Variants in NME5 observed in about 807,000 individuals in gnomAD.
The protein encoded by NME5 is nucleoside diphosphate kinase 5.
NME5 carries 18 observed loss-of-function variants against 21.6 expected under a neutral mutation model. The observed-to-expected ratio is 0.83, with a 90% CI of 0.58 to 1.24. The LOEUF (loss-of-function observed/expected upper bound fraction) is 1.24, where lower values mean the gene tolerates loss of function less well. NME5 is among the 50% of genes most tolerant of loss of function. The pLI is 0.00. For missense variants in NME5, 223 were observed against 255.4 expected (o/e 0.87, Z 0.86); for synonymous variants, 70 against 80.6 (o/e 0.87, Z 0.71).
intron 4 of NME5, 94 bp from the exon 5 acceptor site, chr5:138,119,030 T>G: frequency 1.4e-6 from 1 of 718,334 alleles, no homozygotes; most frequent in East Asian, 3.0e-5. Flanking sequence ...TTTTCTCTAT[T>G]TTTTTATATG....
At chr5:138,117,780 C>T (rs377346425) in intron 5 of NME5, among the ~76,000 whole-genome samples, 15 of 152,108 alleles carry the variant, frequency 9.9e-5, no homozygotes, top group African/African-American at 3.6e-4. Flanking sequence ...GTCAGGAGTT[C>T]GAGACCAGCC....
At chr5:138,137,333 T>TA (rs1751721501) in intron 2 of NME5, among the ~76,000 whole-genome samples, 3 of 151,698 alleles carry the variant, frequency 2.0e-5, no homozygotes, top group East Asian at 2.0e-4. Flanking sequence ...TTTATTTATT[T>TA]TTTGAGACAG....
At chr5:138,136,791 C>T (rs1481645327) in intron 2 of NME5, among the ~76,000 whole-genome samples, 1 of 151,934 alleles carries the variant, frequency 6.6e-6, no homozygotes, top group Non-Finnish European at 1.5e-5. Context: ...TACAGGCATG[C>T]GCCCCCACGC....
chr5:138,129,869 T>C (rs955916175), intron 2 of NME5, among the ~76,000 whole-genome samples: 5 of 151,922 alleles, frequency 3.3e-5, no homozygotes, highest in African/African-American at 4.8e-5. Context: ...AGGCAGAAGA[T>C]TTGCTTGAAC....
Position 138,115,618 on chromosome 5 carries a change from C to G in NME5, c.*63G>C, listed in dbSNP as rs571746068. 12 of 978,364 alleles carry G rather than the reference C, an allele frequency of 1.2e-5. No homozygotes were observed. The highest frequency in any genetic ancestry group is 1.8e-5 in the Non-Finnish European group (12 of 671,310). 60.6% of individuals were successfully genotyped at this position (978,364 alleles called of 1,614,324 possible). The stretch of plus-strand genomic sequence containing the variant: ...AAACCCTAGAAATAATTTTTTCAAA[C>G]AGTAGAAGTACAGCCTTTTATAATA... On this transcript the variant is annotated 3_prime_UTR_variant, in exon 6 of 6. Coordinates refer to ENST00000265191, the MANE Select transcript of NME5 (RefSeq NM_003551.3).
At chr5:138,119,661 A>ATT (rs35881974) in intron 4 of NME5, among the ~76,000 whole-genome samples, 1,504 of 140,814 alleles carry the variant, frequency 0.011, 16 homozygotes, top group South Asian at 0.026. Flanking sequence ...TCTTTTCTTT[A>ATT]TTTTTTTTTT....
intron 4 of NME5, among the ~76,000 whole-genome samples, chr5:138,125,236 C>CA (rs1751371454): frequency 6.6e-6 from 1 of 152,104 alleles, no homozygotes; most frequent in Non-Finnish European, 1.5e-5. Flanking sequence ...TATTTATTTT[C>CA]AAATATAATC....
At chr5:138,118,737 C>G in intron 5 of NME5, 81 bp downstream of exon 5, 1 of 906,368 alleles carries the variant, frequency 1.1e-6, no homozygotes, top group East Asian at 2.6e-5. Flanking sequence ...CCGCCTTGGC[C>G]TCCCAAAGTG....
intron 5 of NME5, among the ~76,000 whole-genome samples, chr5:138,118,055 A>G (rs1366078537): frequency 6.6e-6 from 1 of 152,166 alleles, no homozygotes; most frequent in African/African-American, 2.4e-5. Flanking sequence ...TACATATCTA[A>G]CATGTATATG....
chr5:138,116,853 C>G (rs766044135), intron 5 of NME5, among the ~76,000 whole-genome samples: 9 of 152,044 alleles, frequency 5.9e-5, no homozygotes, highest in Non-Finnish European at 1.2e-4. Flanking sequence ...GACCCCTATA[C>G]CACACCATAT....
intron 2 of NME5, 57 bp downstream of exon 2, chr5:138,138,595 A>ATT (rs879058228): frequency 5.7e-5 from 67 of 1,179,374 alleles, no homozygotes; most frequent in Admixed American, 7.4e-5. Context: ...TTACATAAGC[A>ATT]TTTTTTTTTT....
Position 138,138,714 on chromosome 5 carries a change from T to C in NME5, c.67A>G (p.Ile23Val). The C allele has an allele frequency of 2.5e-6, 4 of 1,612,932 alleles. No homozygotes were observed. Among genetic ancestry groups the C allele is most frequent in the Non-Finnish European group, 3.4e-6 (4 of 1,179,300 alleles). ...TGTATCTCCTCCTCTTTGTCAACAA[T>C]ATCTGGTTTGATAATGGCCAGAGTT... ...EKTLAIIKPD[I>V]VDKEEEIQDI... Residue 23 changes from isoleucine to valine, a missense_variant, in exon 2 of 6, where the codon ATT (isoleucine) becomes GTT (valine). By Grantham distance (29) the Ile-to-Val change is conservative. Coordinates refer to ENST00000265191, the MANE Select transcript of NME5 (RefSeq NM_003551.3).
At chr5:138,134,545 T>G (rs552327801) in intron 2 of NME5, among the ~76,000 whole-genome samples, 49 of 151,946 alleles carry the variant, frequency 3.2e-4, no homozygotes, top group Non-Finnish European at 5.7e-4. Flanking sequence ...CACCCAGCCC[T>G]AATTTTGGAT....
intron 4 of NME5, chr5:138,127,550 T>TA (rs1320016062): frequency 1.0e-6 from 1 of 983,092 alleles, no homozygotes; most frequent in Admixed American, 6.1e-5. Context: ...AATAACATAC[T>TA]AAAAAAATCC....
intron 2 of NME5, among the ~76,000 whole-genome samples, chr5:138,137,907 G>A (rs1217318421): frequency 6.6e-6 from 1 of 151,836 alleles, no homozygotes; most frequent in Admixed American, 6.6e-5. Flanking sequence ...GCTGAGGCAG[G>A]AGAATTGCTT....
chr5:138,121,460 G>A (rs1278958308), intron 4 of NME5, among the ~76,000 whole-genome samples: 1 of 152,026 alleles, frequency 6.6e-6, no homozygotes, highest in Admixed American at 6.6e-5. Context: ...ATGGATACTC[G>A]CCATTAATGT....
At chr5:138,135,175 G>A (rs1268492128) in intron 2 of NME5, among the ~76,000 whole-genome samples, 6 of 146,884 alleles carry the variant, frequency 4.1e-5, no homozygotes. Context: ...AAAGTTAGCT[G>A]GGCGTGGTGG....
chr5:138,133,325 C>T (rs1047995704), intron 2 of NME5, among the ~76,000 whole-genome samples: 7 of 151,758 alleles, frequency 4.6e-5, no homozygotes, highest in Non-Finnish European at 8.8e-5. Flanking sequence ...CCAGGATGGT[C>T]TTGATCTCCT....
At chr5:138,119,176 A>G (rs1751229472) in intron 4 of NME5, among the ~76,000 whole-genome samples, 1 of 151,932 alleles carries the variant, frequency 6.6e-6, no homozygotes, top group South Asian at 2.1e-4. Flanking sequence ...ACAGGTCCGC[A>G]TCACCACACC....
Sources: allele counts gnomAD v4.1 joint callset (sites outside exome capture counted in the v4.1 genomes callset), GRCh38; gene constraint gnomAD v4.1.1; transcripts MANE v1.5; gene names NCBI Gene and HGNC (gene_info 2026-07-23, HGNC 2026-07-21).